The following ANO10 variants were observed in gnomAD, a reference collection of about 807,000 sequenced individuals.
ANO10 encodes the protein anoctamin-10.
Under a neutral mutation model 74.7 loss-of-function variants are expected in ANO10, and 77 were observed. The ratio of observed to expected loss-of-function variants is 1.03; its 90% CI spans 0.86 to 1.25. The LOEUF is 1.25. Ranked by LOEUF, ANO10 falls within the 50% of genes most tolerant of loss-of-function variation. The pLI is 0.00. For missense variants in ANO10, 721 were observed against 778.1 expected (o/e 0.93, Z 0.87); for synonymous variants, 279 against 284.9 (o/e 0.98, Z 0.21).
chr3:43,630,949 T>G (rs1007267415), intron 1 of ANO10, among the ~76,000 whole-genome samples: 1 of 152,004 alleles, frequency 6.6e-6, no homozygotes, highest in Non-Finnish European at 1.5e-5. Flanking sequence ...TGTCTCACTT[T>G]CCCTCACGTG....
chr3:43,517,725 A>G lies in ANO10; in HGVS notation c.1797+31995T>C, dbSNP rs543242968. ...CCCAGTCTGTGTTATTGTGCAAACT[A>G]ATGCATACTACGTGTGACCAAAATG... is the stretch of plus-strand genomic sequence containing the variant. On this transcript the variant is annotated intron_variant, in intron 11 of 12. Coordinates refer to ENST00000292246, the MANE Select transcript of ANO10 (RefSeq NM_018075.5). Among the ~76,000 whole-genome samples the G allele has an allele frequency of 3.1e-4, 47 of 152,316 alleles. No individual in the cohort carries two copies. The Middle Eastern group carries it at 0.017, about 55-fold the overall frequency.
chr3:43,528,157 C>G (rs1310423900), intron 11 of ANO10, among the ~76,000 whole-genome samples: 1 of 149,950 alleles, frequency 6.7e-6, no homozygotes, highest in Non-Finnish European at 1.5e-5. Context: ...TTATTCTTTC[C>G]AACAAGAGCT....
intron 11 of ANO10, among the ~76,000 whole-genome samples, chr3:43,519,299 A>C (rs547878993): frequency 1.4e-4 from 21 of 152,276 alleles, no homozygotes; most frequent in Admixed American, 1.1e-3. Context: ...CTCTTCCATC[A>C]GTCTCTGTAA....
chr3:43,662,757 T>C (rs926931273), intron 1 of ANO10, among the ~76,000 whole-genome samples: 2 of 152,026 alleles, frequency 1.3e-5, no homozygotes, highest in African/African-American at 4.8e-5. Context: ...GAGAATACTA[T>C]AGACACCTCT....
intron 1 of ANO10, chr3:43,691,025 C>G: frequency 6.4e-7 from 1 of 1,562,816 alleles, no homozygotes; most frequent in Non-Finnish European, 8.6e-7. Context: ...TGGACTCTGC[C>G]GACACCGGAG....
Position 43,555,410 on chromosome 3 carries a change from G to A in ANO10, c.1536C>T (p.Ser512=). 1 of 1,614,090 alleles carries A rather than the reference G, an allele frequency of 6.2e-7. No homozygotes were observed. Among genetic ancestry groups the A allele is most frequent in the Non-Finnish European group, 8.5e-7 (1 of 1,180,008 alleles). The change falls in exon 10 of 13, where the codon TCC becomes TCT. Residue 512 remains serine (S), a synonymous_variant. Coordinates refer to ENST00000292246, the MANE Select transcript of ANO10 (RefSeq NM_018075.5). ...FLQFGYVSLF[S]CVYPLAAAFA... ...AGGCAGCTGCTAATGGGTAAACACA[G>A]GAGAAAAGGCTCACATAACCAAACT...
chr3:43,554,375 T>G (rs1019894959), intron 10 of ANO10, among the ~76,000 whole-genome samples: 1 of 151,938 alleles, frequency 6.6e-6, no homozygotes, highest in Non-Finnish European at 1.5e-5. Context: ...GTATTTTTAG[T>G]AGAGATGGGG....
At chr3:43,509,692 T>G (rs1397824344) in intron 11 of ANO10, among the ~76,000 whole-genome samples, 1 of 152,166 alleles carries the variant, frequency 6.6e-6, no homozygotes, top group African/African-American at 2.4e-5. Flanking sequence ...AATGTTACCT[T>G]TGAACATTAA....
chr3:43,555,655 A>G (rs2079711609), intron 9 of ANO10, among the ~76,000 whole-genome samples, 186 bp from the exon 10 acceptor site: 1 of 152,240 alleles, frequency 6.6e-6, no homozygotes, highest in African/African-American at 2.4e-5. Flanking sequence ...ACATGCAATA[A>G]TAATTTCAGT....
chr3:43,382,600 A>T (rs531528143), intron 12 of ANO10, among the ~76,000 whole-genome samples: 62 of 152,308 alleles, frequency 4.1e-4, no homozygotes, highest in Middle Eastern at 3.4e-3. Flanking sequence ...ACAAAAGATA[A>T]ATGAAACGAA....
chr3:43,431,253 T>C (rs1575775306), intron 12 of ANO10, among the ~76,000 whole-genome samples: 1 of 151,662 alleles, frequency 6.6e-6, no homozygotes, highest in South Asian at 2.1e-4. Context: ...TTGTATTTTT[T>C]GTAGAGACGG....
chr3:43,469,911 C>T (rs1483091582), intron 11 of ANO10, among the ~76,000 whole-genome samples: 1 of 152,194 alleles, frequency 6.6e-6, no homozygotes, highest in Non-Finnish European at 1.5e-5. Context: ...ATGGCTAGTG[C>T]TGTCAGGAAA....
At chr3:43,368,132 G>A (rs1007843843) in intron 12 of ANO10, among the ~76,000 whole-genome samples, 2 of 152,216 alleles carry the variant, frequency 1.3e-5, no homozygotes, top group African/African-American at 4.8e-5. Context: ...CTCCCACAGG[G>A]CGGCTCATGA....
intron 4 of ANO10, among the ~76,000 whole-genome samples, chr3:43,593,565 AT>A (rs2081920248): frequency 6.6e-6 from 1 of 152,354 alleles, no homozygotes; most frequent in Admixed American, 6.5e-5. Context: ...ATGCTGAAAG[AT>A]TTTGTCACCA....
chr3:43,580,916 G>GA (rs2081236800), intron 4 of ANO10, among the ~76,000 whole-genome samples: 1 of 152,096 alleles, frequency 6.6e-6, no homozygotes, highest in Non-Finnish European at 1.5e-5. Context: ...AGTAAAAATA[G>GA]AATATGAAAT....
upstream of ANO10, among the ~76,000 whole-genome samples, chr3:43,626,671 C>T (rs1374469048): frequency 6.6e-6 from 1 of 152,160 alleles, no homozygotes; most frequent in East Asian, 1.9e-4. Flanking sequence ...GTGGATCCAA[C>T]TTTATATCTT....
chr3:43,489,440 T>C (rs563287280), intron 11 of ANO10, among the ~76,000 whole-genome samples: 1 of 152,312 alleles, frequency 6.6e-6, no homozygotes, highest in South Asian at 2.1e-4. Flanking sequence ...GGGTTGGATC[T>C]TCATTCTGAA....
In ANO10 at chr3:43,513,899, C is replaced by G. The variant is rs974496416; in HGVS notation, c.1797+35821G>C. 3.3e-5 allele frequency among the ~76,000 whole-genome samples: 5 copies of G among 150,994 alleles called. No homozygotes were observed. The East Asian group carries it at 9.6e-4, about 29-fold the overall frequency. On this transcript the variant is annotated intron_variant, in intron 11 of 12. Transcript: ENST00000292246. Reference sequence around the variant, plus strand: ...AATAAAAATACCTACGTATTATTTGCTATTTTTAAATATTTAATATTAATA... The same window carrying G: ...AATAAAAATACCTACGTATTATTTGGTATTTTTAAATATTTAATATTAATA...
intron 11 of ANO10, among the ~76,000 whole-genome samples, chr3:43,463,906 C>G (rs939855306): frequency 2.0e-5 from 3 of 152,112 alleles, no homozygotes; most frequent in Non-Finnish European, 4.4e-5. Flanking sequence ...GGGAGGGACC[C>G]GGTGGGAGGT....
Sources: allele counts gnomAD v4.1 joint callset (sites outside exome capture counted in the v4.1 genomes callset), GRCh38; gene constraint gnomAD v4.1.1; transcripts MANE v1.5; gene names NCBI Gene and HGNC (gene_info 2026-07-23, HGNC 2026-07-21).